DLC1: variants seen among roughly 807,000 people sequenced by gnomAD.
The protein encoded by DLC1 is DLC1 Rho GTPase activating protein.
In DLC1, 54 loss-of-function variants were observed where a neutral mutation model predicts 140.3. The observed-to-expected ratio is 0.38, with a 90% CI of 0.31 to 0.48. The LOEUF (loss-of-function observed/expected upper bound fraction) is 0.48. Ranked by LOEUF, DLC1 falls within the 20% of genes least tolerant of loss-of-function variation. The pLI is 0.96. For missense variants in DLC1, 2,536 were observed against 1,907.0 expected (o/e 1.33, Z -6.14); for synonymous variants, 986 against 728.1 (o/e 1.35, Z -5.70).
chr8:13,242,516 T>G (rs1323769582), intron 5 of DLC1, among the ~76,000 whole-genome samples: 1 of 152,048 alleles, frequency 6.6e-6, no homozygotes, highest in African/African-American at 2.4e-5. Context: ...CCGCCTCAGT[T>G]TCCCAAGTAG....
At chr8:13,235,402 TC>T (rs1829230755) in intron 5 of DLC1, among the ~76,000 whole-genome samples, 2 of 152,052 alleles carry the variant, frequency 1.3e-5, no homozygotes, top group Admixed American at 1.3e-4. Context: ...GATTACATTC[TC>T]CTCAAAGCTT....
At chr8:13,464,275 T>C (rs1489420015) in intron 2 of DLC1, among the ~76,000 whole-genome samples, 2 of 152,184 alleles carry the variant, frequency 1.3e-5, no homozygotes. Context: ...CAACAGTAGC[T>C]ACTCTTTATT....
chr8:13,151,095 A>T (rs1474397698), intron 5 of DLC1, among the ~76,000 whole-genome samples: 1 of 152,200 alleles, frequency 6.6e-6, no homozygotes, highest in Non-Finnish European at 1.5e-5. Flanking sequence ...GTTGAATTAC[A>T]AGAGGAGAAT....
intron 5 of DLC1, among the ~76,000 whole-genome samples, chr8:13,272,769 G>C (rs1419817850): frequency 1.3e-5 from 2 of 152,172 alleles, no homozygotes; most frequent in South Asian, 4.1e-4. Context: ...AGCTGCTCGG[G>C]AGGCTGAGGC....
chr8:13,433,857 T>A (rs2117406093), intron 2 of DLC1, among the ~76,000 whole-genome samples: 2 of 152,302 alleles, frequency 1.3e-5, no homozygotes, highest in East Asian at 3.9e-4. Flanking sequence ...TGTTTTGGTT[T>A]GGTTTTGTTT....
At chr8:13,287,720 C>T (rs961071081) in intron 5 of DLC1, among the ~76,000 whole-genome samples, 1 of 152,104 alleles carries the variant, frequency 6.6e-6, no homozygotes, top group Non-Finnish European at 1.5e-5. Context: ...TTGAGTGGTT[C>T]ACATCTGGCA....
chr8:13,431,106 T>C (rs1236461359), intron 2 of DLC1, among the ~76,000 whole-genome samples: 2 of 152,070 alleles, frequency 1.3e-5, no homozygotes, highest in Non-Finnish European at 1.5e-5. Context: ...GAAACACTAT[T>C]CAAAGTAGCT....
chr8:13,208,581 A>G (rs143042066), intron 5 of DLC1, among the ~76,000 whole-genome samples: 1,776 of 152,250 alleles, frequency 0.012, 37 homozygotes, highest in African/African-American at 0.04. Flanking sequence ...CTTATGTGAT[A>G]TTTTATCGAA....
rs532963458 is a variant in DLC1, at chr8:13,588,775, G to T, written c.-126+15762C>A. On this transcript the variant is annotated intron_variant, in intron 1 of 1. Coordinates refer to the DLC1 transcript ENST00000631382. ...ATAGGCTTGGGATGCATGGTTAAGT[G>T]ATATTTATTAGACTAGGAGAAGCAT... Among the ~76,000 whole-genome samples, 3 of 152,150 alleles carry T rather than the reference G, an allele frequency of 2.0e-5. No homozygotes were observed. In the South Asian group the frequency reaches 6.2e-4, roughly 32 times the overall value.
At position 13,083,896 on chromosome 8, in the gene DLC1, T is replaced by C. The variant is rs1817345991; in HGVS notation, c.*1915A>G. 6.6e-6 allele frequency: 1 copy of C among 152,670 alleles called. No individual in the cohort carries two copies. Among genetic ancestry groups the C allele is most frequent in the African/African-American group, 2.4e-5 (1 of 41,454 alleles). 9.5% of individuals were successfully genotyped at this position (152,670 alleles called of 1,614,324 possible). ...TTAAGGGTGGGAGTGAGATGCAATA[T>C]TAAGGAAGGCAGCCCAGACTTTTCC... On this transcript the variant is annotated 3_prime_UTR_variant, in exon 18 of 18. Coordinates refer to ENST00000276297, the MANE Select transcript of DLC1 (RefSeq NM_182643.3).
intron 5 of DLC1, chr8:13,133,531 T>A (rs1283643146): frequency 0.012 from 513 of 43,672 alleles, 2 homozygotes; most frequent in Non-Finnish European, 0.017. Context: ...TCCCGCCCCC[T>A]CGGTTCCCTC....
chr8:13,453,798 G>C (rs112652012), intron 2 of DLC1, among the ~76,000 whole-genome samples: 6 of 151,418 alleles, frequency 4.0e-5, no homozygotes, highest in African/African-American at 1.5e-4. Context: ...TCATTATAAC[G>C]ATGTCTTCTT....
At chr8:13,175,353 T>A (rs922332632) in intron 5 of DLC1, among the ~76,000 whole-genome samples, 1 of 151,778 alleles carries the variant, frequency 6.6e-6, no homozygotes, top group African/African-American at 2.4e-5. Flanking sequence ...GGCTCGTTTT[T>A]GGTTTGATAT....
At position 13,592,064 on chromosome 8, in the gene DLC1, T is replaced by A. The variant is rs377375462; in HGVS notation, c.-126+12473A>T. Among the ~76,000 whole-genome samples, 87 of 152,160 alleles carry A rather than the reference T, an allele frequency of 5.7e-4. 1 individual carries two copies. The South Asian group carries it at 0.014, about 24-fold the overall frequency. On this transcript the variant is annotated intron_variant, in intron 1 of 1. Coordinates refer to the DLC1 transcript ENST00000631382. Reference sequence around the variant, plus strand: ...ACTGGGTAAGGTCCTAGGGAAAACCTGTGGATAGAGAAAGAGTTCAAACAT... The same window carrying A: ...ACTGGGTAAGGTCCTAGGGAAAACCAGTGGATAGAGAAAGAGTTCAAACAT...
chr8:13,456,007 A>T (rs1799370084), intron 2 of DLC1, among the ~76,000 whole-genome samples: 1 of 152,242 alleles, frequency 6.6e-6, no homozygotes, highest in Non-Finnish European at 1.5e-5. Flanking sequence ...TTCATTTGCT[A>T]ATTCAACAAG....
At chr8:13,439,419 C>T (rs1839260807) in intron 2 of DLC1, among the ~76,000 whole-genome samples, 1 of 152,064 alleles carries the variant, frequency 6.6e-6, no homozygotes, top group Admixed American at 6.6e-5. Flanking sequence ...GGTTCTTCCA[C>T]ATATTTAAGT....
intron 3 of DLC1, among the ~76,000 whole-genome samples, chr8:13,399,687 C>A (rs1440344157): frequency 6.6e-6 from 1 of 152,192 alleles, no homozygotes; most frequent in Non-Finnish European, 1.5e-5. Flanking sequence ...CATAGCCAAT[C>A]TATAAGGTTT....
chr8:13,587,171 G>T (rs1311067605), intron 1 of DLC1, among the ~76,000 whole-genome samples: 3 of 150,786 alleles, frequency 2.0e-5, no homozygotes, highest in Non-Finnish European at 4.4e-5. Flanking sequence ...ATGCACAGAT[G>T]CACATTTTAT....
intron 1 of DLC1, chr8:13,557,938 G>A (rs1804106766): frequency 6.6e-6 from 1 of 152,190 alleles, no homozygotes; most frequent in South Asian, 2.1e-4. Context: ...TAAAGAACAA[G>A]GAGAAGGTTG....
Sources: allele counts gnomAD v4.1 joint callset (sites outside exome capture counted in the v4.1 genomes callset), GRCh38; gene constraint gnomAD v4.1.1; transcripts MANE v1.5; gene names NCBI Gene and HGNC (gene_info 2026-07-23, HGNC 2026-07-21).